ARB2A: variants seen among roughly 807,000 people sequenced by gnomAD.
The protein encoded by ARB2A is ARB2 cotranscriptional regulator A, also known as cotranscriptional regulator ARB2A.
chr5:93,897,162 T>C, the ARB2A span, among the ~76,000 whole-genome samples: 1 of 151,928 alleles, frequency 6.6e-6, no homozygotes, highest in African/African-American at 2.4e-5. Context: ...GTGTCCAAAA[T>C]ATCCCGGATC....
chr5:93,873,309 G>GAAAGAAA, the ARB2A span, among the ~76,000 whole-genome samples: 15 of 57,214 alleles, frequency 2.6e-4, no homozygotes, highest in African/African-American at 9.8e-4. Flanking sequence ...AAAGGGGGGG[G>GAAAGAAA]GGAAAGAAAG....
At chr5:93,674,071 G>GTT in the ARB2A span, among the ~76,000 whole-genome samples, 1 of 152,116 alleles carries the variant, frequency 6.6e-6, no homozygotes, top group Non-Finnish European at 1.5e-5. Context: ...AAGCAACATA[G>GTT]TTATAATCAG....
chr5:93,886,667 A>G, the ARB2A span, among the ~76,000 whole-genome samples: 1 of 151,690 alleles, frequency 6.6e-6, no homozygotes, highest in Non-Finnish European at 1.5e-5. Context: ...GCGTTAAAGT[A>G]AACATAGCTG....
the ARB2A span, among the ~76,000 whole-genome samples, chr5:94,100,574 G>A: frequency 1.3e-5 from 2 of 151,982 alleles, no homozygotes; most frequent in African/African-American, 2.4e-5. Flanking sequence ...ACCATAGTAC[G>A]AGTACAAAAA....
the ARB2A span, among the ~76,000 whole-genome samples, chr5:94,011,936 C>CAAA: frequency 0.017 from 502 of 29,464 alleles, no homozygotes; most frequent in Non-Finnish European, 0.022. Flanking sequence ...AAAGGGTAGA[C>CAAA]AAAAAAAAAA....
the ARB2A span, among the ~76,000 whole-genome samples, chr5:93,844,735 G>A: frequency 2.6e-5 from 4 of 152,246 alleles, no homozygotes; most frequent in East Asian, 5.8e-4. Flanking sequence ...AACCAGAAAG[G>A]TGATACTAGT....
the ARB2A span, among the ~76,000 whole-genome samples, chr5:94,091,548 T>A: frequency 1.3e-5 from 2 of 152,170 alleles, no homozygotes; most frequent in African/African-American, 4.8e-5. Flanking sequence ...TGAAGTCCTG[T>A]AAGTCATAGC....
At chr5:94,107,504 T>C in the ARB2A span, among the ~76,000 whole-genome samples, 12 of 149,320 alleles carry the variant, frequency 8.0e-5, no homozygotes, top group East Asian at 2.0e-4. Context: ...TAATAAATTA[T>C]GACAGTGTAC....
At chr5:93,695,764 A>C in the ARB2A span, among the ~76,000 whole-genome samples, 3 of 152,196 alleles carry the variant, frequency 2.0e-5, no homozygotes, top group African/African-American at 7.2e-5. Context: ...TGTTCACAAT[A>C]GCAAAGACCT....
chr5:93,764,725 T>C, the ARB2A span, among the ~76,000 whole-genome samples: 2 of 152,164 alleles, frequency 1.3e-5, no homozygotes, highest in Non-Finnish European at 2.9e-5. Flanking sequence ...TACCAAAGCC[T>C]GGCAGAGACA....
At chr5:93,910,948 A>G in the ARB2A span, 5 of 151,566 alleles carry the variant, frequency 3.3e-5, no homozygotes, top group Admixed American at 3.3e-4. Context: ...TTCATTTCCT[A>G]CAAGAATTCA....
chr5:93,747,223 T>A, the ARB2A span, among the ~76,000 whole-genome samples: 1 of 152,198 alleles, frequency 6.6e-6, no homozygotes, highest in Admixed American at 6.5e-5. Flanking sequence ...AATTTCTGTT[T>A]ACAGCAGATA....
chr5:93,858,850 C>A, the ARB2A span, among the ~76,000 whole-genome samples: 2 of 151,658 alleles, frequency 1.3e-5, no homozygotes, highest in South Asian at 4.2e-4. Context: ...TTAATATAGA[C>A]AGAAATTAGG....
chr5:93,722,474 G>GA, the ARB2A span, among the ~76,000 whole-genome samples: 1,401 of 152,134 alleles, frequency 9.2e-3, 14 homozygotes, highest in Non-Finnish European at 0.015. Flanking sequence ...AGCTGAAAGG[G>GA]AAAAAGTTTC....
At chr5:93,694,562 T>C in the ARB2A span, among the ~76,000 whole-genome samples, 3 of 152,200 alleles carry the variant, frequency 2.0e-5, no homozygotes, top group Non-Finnish European at 2.9e-5. Context: ...TGGAAAAACA[T>C]TTCATGCTCA....
the ARB2A span, among the ~76,000 whole-genome samples, chr5:93,845,276 A>G: frequency 5.3e-5 from 8 of 152,222 alleles, no homozygotes; most frequent in Admixed American, 4.6e-4. Flanking sequence ...TTAATGTGTC[A>G]TAATAAACAA....
chr5:93,901,314 G>A, the ARB2A span, among the ~76,000 whole-genome samples: 1 of 152,120 alleles, frequency 6.6e-6, no homozygotes, highest in East Asian at 1.9e-4. Flanking sequence ...AGGAAATAAG[G>A]GAAAACATCC....
chr5:93,929,364 C>G, the ARB2A span, among the ~76,000 whole-genome samples: 1 of 152,204 alleles, frequency 6.6e-6, no homozygotes, highest in South Asian at 2.1e-4. Context: ...GTAGTTGTAT[C>G]TGACCTCAAG....
the ARB2A span, among the ~76,000 whole-genome samples, chr5:93,997,352 T>A: frequency 6.6e-6 from 1 of 152,030 alleles, no homozygotes; most frequent in Admixed American, 6.6e-5. Flanking sequence ...ACTAAGACAA[T>A]TGTTCTAAGA....
Sources: allele counts gnomAD v4.1 joint callset (sites outside exome capture counted in the v4.1 genomes callset), GRCh38; gene constraint gnomAD v4.1.1; transcripts MANE v1.5; gene names NCBI Gene and HGNC (gene_info 2026-07-23, HGNC 2026-07-21).